The following SPOCK3 variants were observed in gnomAD, a reference collection of about 807,000 sequenced individuals.
SPOCK3 encodes the protein testican-3.
SPOCK3 carries 30 observed loss-of-function variants against 56.6 expected under a neutral mutation model. That is an observed-to-expected ratio of 0.53 (90% CI 0.40 to 0.72). SPOCK3 has a LOEUF of 0.72. Ranked by LOEUF, SPOCK3 falls within the 30% of genes least tolerant of loss-of-function variation. SPOCK3 has a pLI of 0.00. For missense variants in SPOCK3, 527 were observed against 530.0 expected (o/e 0.99, Z 0.06); for synonymous variants, 196 against 183.3 (o/e 1.07, Z -0.56).
chr4:166,875,127 A>G (rs1560959987), intron 6 of SPOCK3, among the ~76,000 whole-genome samples: 1 of 152,128 alleles, frequency 6.6e-6, no homozygotes, highest in Non-Finnish European at 1.5e-5. Flanking sequence ...ATGCCATATA[A>G]ATATTTATGA....
At chr4:166,960,315 T>C (rs570129481) in intron 4 of SPOCK3, among the ~76,000 whole-genome samples, 7 of 152,268 alleles carry the variant, frequency 4.6e-5, no homozygotes, top group Admixed American at 2.6e-4. Flanking sequence ...ACTCATATTA[T>C]AGTGAAAGGC....
intron 6 of SPOCK3, among the ~76,000 whole-genome samples, chr4:166,842,299 C>CAT: frequency 6.6e-6 from 1 of 152,358 alleles, no homozygotes; most frequent in East Asian, 1.9e-4. Context: ...CACCCATATC[C>CAT]TGCTGATTGG....
chr4:167,030,016 C>T (rs879445418), intron 3 of SPOCK3, among the ~76,000 whole-genome samples: 7 of 151,854 alleles, frequency 4.6e-5, no homozygotes, highest in African/African-American at 1.7e-4. Context: ...TATTTTCTCG[C>T]TCTTCTATTG....
chr4:166,883,586 A>G (rs185272091), intron 6 of SPOCK3, among the ~76,000 whole-genome samples: 34 of 152,222 alleles, frequency 2.2e-4, no homozygotes, highest in African/African-American at 7.7e-4. Context: ...TCTGTCTCAA[A>G]CTTGTGTCTG....
chr4:166,785,729 A>G (rs1740661589), intron 7 of SPOCK3, among the ~76,000 whole-genome samples: 1 of 152,164 alleles, frequency 6.6e-6, no homozygotes. Flanking sequence ...AAATTTCATT[A>G]AGCTTTTACC....
chr4:167,064,507 A>C (rs1347176924), intron 2 of SPOCK3, among the ~76,000 whole-genome samples: 1 of 151,918 alleles, frequency 6.6e-6, no homozygotes, highest in Non-Finnish European at 1.5e-5. Flanking sequence ...TGAGCAACGT[A>C]ACATACTCAT....
intron 4 of SPOCK3, among the ~76,000 whole-genome samples, chr4:166,971,041 T>C (rs1745324351): frequency 6.6e-6 from 1 of 152,142 alleles, no homozygotes; most frequent in East Asian, 1.9e-4. Flanking sequence ...TTTTTTAAAT[T>C]AGGAAAGACA....
rs780103533 is a variant in SPOCK3, at chr4:166,735,072, G to T, written c.1151C>A (p.Ser384Tyr). The T allele has an allele frequency of 6.2e-7, 1 of 1,603,264 alleles. No homozygotes were observed. Reference protein sequence around the residue: ...VADCAIDFEISGDFASGDFHE... With the variant: ...VADCAIDFEIYGDFASGDFHE... ...AAAATCGCCACTAGCAAAATCTCCG[G>T]AGATCTCAAAATCTATAGCTTAAAA... Residue 384 changes from serine (S) to tyrosine (Y), a missense_variant, in exon 11 of 11, where the codon TCC (serine) becomes TAC (tyrosine). Coordinates refer to ENST00000357545, the MANE Select transcript of SPOCK3 (RefSeq NM_001040159.2).
chr4:166,893,624 TAGTTCTAATGTAGAACA>T (rs1354278587), intron 5 of SPOCK3, among the ~76,000 whole-genome samples: 1 of 152,156 alleles, frequency 6.6e-6, no homozygotes, highest in Non-Finnish European at 1.5e-5. Context: ...CACTATTTTA[TAGTTCTAATGTAGAACA>T]AGTATGTAAT....
chr4:167,024,289 T>C (rs1004011529), intron 3 of SPOCK3, among the ~76,000 whole-genome samples: 1 of 152,042 alleles, frequency 6.6e-6, no homozygotes, highest in Non-Finnish European at 1.5e-5. Flanking sequence ...GCTAAAAAAA[T>C]TAAAAATGAG....
At chr4:166,842,213 T>C (rs144914959) in intron 6 of SPOCK3, among the ~76,000 whole-genome samples, 2,118 of 152,276 alleles carry the variant, frequency 0.014, 58 homozygotes, top group African/African-American at 0.048. Context: ...GAACAAAGCT[T>C]CCACGGTGAG....
intron 4 of SPOCK3, among the ~76,000 whole-genome samples, chr4:166,928,599 T>C (rs1739378807): frequency 6.6e-6 from 1 of 152,152 alleles, no homozygotes; most frequent in Non-Finnish European, 1.5e-5. Flanking sequence ...TATGATAGTA[T>C]AATGGTAGAT....
intron 7 of SPOCK3, among the ~76,000 whole-genome samples, chr4:166,779,349 G>A (rs547295971): frequency 2.1e-4 from 32 of 152,048 alleles, no homozygotes; most frequent in African/African-American, 5.5e-4. Context: ...TGGGATTAGC[G>A]GATATCATTT....
chr4:167,026,215 T>C (rs1327856788), intron 3 of SPOCK3, among the ~76,000 whole-genome samples: 1 of 152,064 alleles, frequency 6.6e-6, no homozygotes, highest in East Asian at 1.9e-4. Flanking sequence ...TCGGGTTAAC[T>C]GGCCACATAC....
chr4:167,129,350 C>A (rs1174540687), intron 2 of SPOCK3, among the ~76,000 whole-genome samples: 2 of 152,130 alleles, frequency 1.3e-5, no homozygotes, highest in African/African-American at 4.8e-5. Flanking sequence ...TCTGGACTTA[C>A]TAAAAACAGC....
At chr4:166,921,920 A>G (rs551560260) in intron 4 of SPOCK3, among the ~76,000 whole-genome samples, 7 of 152,256 alleles carry the variant, frequency 4.6e-5, no homozygotes, top group African/African-American at 1.7e-4. Context: ...TTATTTGCTC[A>G]TAAACGTACA....
chr4:167,232,383 G>T (rs1448667432), intron 2 of SPOCK3, among the ~76,000 whole-genome samples: 1 of 150,096 alleles, frequency 6.7e-6, no homozygotes, highest in Non-Finnish European at 1.5e-5. Context: ...ATAGAAAACA[G>T]CATGCAACCA....
chr4:167,098,257 T>A (rs62352446), intron 2 of SPOCK3, among the ~76,000 whole-genome samples: 29,608 of 151,920 alleles, frequency 0.19, 3,801 homozygotes, highest in African/African-American at 0.35. Flanking sequence ...AGATTTACTA[T>A]GAGAACCTGC....
At chr4:167,044,131 T>G (rs10008537) in intron 3 of SPOCK3, among the ~76,000 whole-genome samples, 8,642 of 152,094 alleles carry the variant, frequency 0.057, 301 homozygotes, top group Middle Eastern at 0.085. Context: ...TAGATATCAG[T>G]CTACTAAAAT....
Sources: gnomAD v4.1 joint callset for allele counts (sites outside exome capture counted in the v4.1 genomes callset) on GRCh38, gnomAD v4.1.1 for gene constraint, MANE v1.5 for transcripts, NCBI Gene and HGNC (gene_info 2026-07-23, HGNC 2026-07-21) for gene names.